Variants in GALNT2 observed in about 807,000 individuals in gnomAD.
The protein encoded by GALNT2 is polypeptide N-acetylgalactosaminyltransferase 2, also known as UDP-GalNAc:polypeptide N-acetylgalactosaminyltransferase 2.
In GALNT2, 31 loss-of-function variants were observed where a neutral mutation model predicts 81.4. That is an observed-to-expected ratio of 0.38 (90% CI 0.29 to 0.51). GALNT2 has a LOEUF of 0.51. Ranked by LOEUF, GALNT2 falls within the 20% of genes least tolerant of loss-of-function variation. The pLI is 0.87. For synonymous variants in GALNT2, 303 were observed against 287.4 expected (o/e 1.05, Z -0.55); for missense variants, 629 against 765.7 (o/e 0.82, Z 2.11).
chr1:230,134,676 T>C (rs1661480746), intron 1 of GALNT2, among the ~76,000 whole-genome samples: 1 of 152,202 alleles, frequency 6.6e-6, no homozygotes, highest in Admixed American at 6.5e-5. Flanking sequence ...TATCAGCTCA[T>C]GAGACATTTC....
chr1:230,255,506 G>A, intron 11 of GALNT2, 162 bp downstream of exon 11: 3 of 928,444 alleles, frequency 3.2e-6, no homozygotes, highest in Admixed American at 4.7e-5. Context: ...ACGGATGCAG[G>A]ATACAACCTG....
chr1:230,274,889 G>C (rs777564661), intron 15 of GALNT2, among the ~76,000 whole-genome samples: 74 of 151,572 alleles, frequency 4.9e-4, no homozygotes, highest in South Asian at 1.2e-3. Context: ...CACATGGATG[G>C]TACTCGATAC....
chr1:230,233,781 A>G (rs1047696694), intron 3 of GALNT2, among the ~76,000 whole-genome samples: 9 of 152,218 alleles, frequency 5.9e-5, no homozygotes, highest in Non-Finnish European at 8.8e-5. Context: ...GCAAATGTGC[A>G]CAGGAGCCAC....
chr1:230,201,946 A>T (rs1054007354), intron 2 of GALNT2, among the ~76,000 whole-genome samples: 1 of 152,162 alleles, frequency 6.6e-6, no homozygotes, highest in South Asian at 2.1e-4. Flanking sequence ...ATGTTTCTTC[A>T]TGGCAGTTCC....
chr1:230,057,851 A>T (rs1658950565), upstream of GALNT2: 2 of 342,396 alleles, frequency 5.8e-6, no homozygotes, highest in African/African-American at 4.3e-5. Context: ...GCTTACCCTA[A>T]AGGAAGGTAG....
intron 3 of GALNT2, among the ~76,000 whole-genome samples, chr1:230,208,258 T>C (rs1399049556): frequency 6.6e-6 from 1 of 152,148 alleles, no homozygotes; most frequent in Admixed American, 6.5e-5. Context: ...TGAGAAGTGG[T>C]CTGGTGGGCT....
chr1:230,084,806 G>A (rs2102758384), intron 1 of GALNT2, among the ~76,000 whole-genome samples: 1 of 152,322 alleles, frequency 6.6e-6, no homozygotes, highest in Admixed American at 6.5e-5. Flanking sequence ...CTGGTAACAT[G>A]CTGTGGTTTG....
At chr1:230,192,249 G>T (rs1488235825) in intron 2 of GALNT2, among the ~76,000 whole-genome samples, 1 of 152,242 alleles carries the variant, frequency 6.6e-6, no homozygotes, top group East Asian at 1.9e-4. Context: ...TTGAGTTGTG[G>T]TTCCATCGTC....
At position 230,098,870 on chromosome 1, in the gene GALNT2, A is replaced by G. The variant is rs576668133; in HGVS notation, c.126+31464A>G. 2.6e-5 allele frequency among the ~76,000 whole-genome samples: 4 copies of G among 152,290 alleles called. No homozygotes were observed. The South Asian group carries it at 6.2e-4, about 24-fold the overall frequency. On this transcript the variant is annotated intron_variant, in intron 1 of 15. Transcript: ENST00000366672. ...ACTGACTGTATGCCAGGAGTTGACC[A>G]TGATGTGTTATGAGGCACTGGGGAA...
chr1:230,099,872 A>G (rs1275418130), intron 1 of GALNT2, among the ~76,000 whole-genome samples: 1 of 152,136 alleles, frequency 6.6e-6, no homozygotes, highest in African/African-American at 2.4e-5. Flanking sequence ...CTCCTTTCCA[A>G]TTTGTTTCCA....
chr1:230,253,898 T>C (rs527937157), intron 10 of GALNT2, among the ~76,000 whole-genome samples: 1 of 152,290 alleles, frequency 6.6e-6, no homozygotes, highest in African/African-American at 2.4e-5. Flanking sequence ...TTAGCTTCCA[T>C]GTATGGGTGA....
chr1:230,143,226 T>C (rs1371255612), intron 1 of GALNT2, among the ~76,000 whole-genome samples: 2 of 152,138 alleles, frequency 1.3e-5, no homozygotes, highest in Non-Finnish European at 2.9e-5. Flanking sequence ...ATCTGGGCTT[T>C]GGGCAGGGTC....
chr1:230,125,475 G>C (rs569868530), intron 1 of GALNT2, among the ~76,000 whole-genome samples: 1 of 152,310 alleles, frequency 6.6e-6, no homozygotes, highest in South Asian at 2.1e-4. Context: ...AGAGATGAAA[G>C]GTTTACTGCG....
chr1:230,250,921 C>T (rs1171699877), intron 10 of GALNT2, among the ~76,000 whole-genome samples: 3 of 152,136 alleles, frequency 2.0e-5, no homozygotes, highest in Admixed American at 2.0e-4. Context: ...GGAAAATGAA[C>T]CCCGGCGAGG....
In GALNT2 at chr1:230,255,343, C is replaced by A. The variant is rs780074971; in HGVS notation, c.1135C>A (p.Arg379=). 12 of 1,614,034 alleles carry A rather than the reference C, an allele frequency of 7.4e-6. 1 individual carries two copies. Among genetic ancestry groups the A allele is most frequent in the Admixed American group, 6.7e-5 (4 of 59,996 alleles). Reference sequence around the variant, plus strand: ...GGGTGGCAGTGGCACTGTCTTTGCCCGGTAAGTAGTGAAAGGCTGAGCGGG... The same window carrying A: ...GGGTGGCAGTGGCACTGTCTTTGCCAGGTAAGTAGTGAAAGGCTGAGCGGG... ...FPGGSGTVFA[R]NTRRAAEVWM... The change falls in exon 11 of 16, where the codon CGA becomes AGA. Residue 379 remains arginine, a splice_region_variant and synonymous_variant. Coordinates refer to ENST00000366672, the MANE Select transcript of GALNT2 (RefSeq NM_004481.5).
At chr1:230,064,266 T>C (rs1053414044), upstream of GALNT2, among the ~76,000 whole-genome samples, 5 of 152,210 alleles carry the variant, frequency 3.3e-5, no homozygotes, top group Admixed American at 6.5e-5. Flanking sequence ...CAGTTGTCTT[T>C]AGTTGCACCT....
intron 4 of GALNT2, 96 bp from the exon 5 acceptor site, chr1:230,236,257 C>A: frequency 7.1e-7 from 1 of 1,408,854 alleles, no homozygotes; most frequent in East Asian, 2.3e-5. Context: ...CTCCTCCAAC[C>A]AAGGGTTAGG....
chr1:230,246,211 C>T (rs1208360845), intron 8 of GALNT2, 61 bp downstream of exon 8: 3 of 1,208,688 alleles, frequency 2.5e-6, no homozygotes, highest in East Asian at 4.7e-5. Flanking sequence ...ATCTGATCAC[C>T]ACTCCCTCTC....
intron 9 of GALNT2, 94 bp downstream of exon 9, chr1:230,249,365 G>C: frequency 2.8e-6 from 3 of 1,055,988 alleles, no homozygotes; most frequent in Non-Finnish European, 4.2e-6. Context: ...ACCCAGTGGG[G>C]GCTGTTCACC....
Sources: allele counts gnomAD v4.1 joint callset (sites outside exome capture counted in the v4.1 genomes callset), GRCh38; gene constraint gnomAD v4.1.1; transcripts MANE v1.5; gene names NCBI Gene and HGNC (gene_info 2026-07-23, HGNC 2026-07-21).